ITK: variants seen among roughly 807,000 people sequenced by gnomAD.
ITK encodes the protein tyrosine-protein kinase ITK/TSK.
ITK carries 45 observed loss-of-function variants against 87.6 expected under a neutral mutation model. The ratio of observed to expected loss-of-function variants is 0.51; its 90% confidence interval spans 0.40 to 0.66. The LOEUF is 0.66. Ranked by LOEUF, ITK falls within the 30% of genes least tolerant of loss-of-function variation. The pLI is 0.00. For synonymous variants in ITK, 303 were observed against 273.6 expected (o/e 1.11, Z -1.06); for missense variants, 605 against 766.3 (o/e 0.79, Z 2.48).
At chr5:157,186,709 A>AGAGAGC (rs1491336599) in intron 1 of ITK, among the ~76,000 whole-genome samples, 1 of 149,762 alleles carries the variant, frequency 6.7e-6, no homozygotes, top group African/African-American at 2.5e-5. Context: ...AGAGAGAGAG[A>AGAGAGC]GCCTTGGCAA....
intron 1 of ITK, among the ~76,000 whole-genome samples, chr5:157,188,804 T>TAAGGTA (rs1349823159): frequency 8.5e-5 from 13 of 152,208 alleles, no homozygotes; most frequent in African/African-American, 2.9e-4. Context: ...TTCCCATCTC[T>TAAGGTA]TCAAAGCACA....
chr5:157,190,491 G>A (rs943886123), intron 1 of ITK, among the ~76,000 whole-genome samples: 2 of 152,184 alleles, frequency 1.3e-5, no homozygotes, highest in African/African-American at 4.8e-5. Context: ...TCTTAGGTTG[G>A]TGCACAAGTA....
At chr5:157,243,221 G>A (rs968710247) in intron 11 of ITK, among the ~76,000 whole-genome samples, 5 of 152,136 alleles carry the variant, frequency 3.3e-5, no homozygotes, top group African/African-American at 1.2e-4. Flanking sequence ...CTGCCCCTCT[G>A]CCCCAGTAAG....
At position 157,232,341 on chromosome 5, in the gene ITK, T is replaced by G. The variant is rs1456788791; in HGVS notation, c.715T>G (p.Trp239Gly). The G allele has an allele frequency of 6.2e-7, 1 of 1,607,650 alleles. No individual in the cohort carries two copies. Among genetic ancestry groups the G allele is most frequent in the East Asian group, 2.2e-5 (1 of 44,834 alleles). The change falls in exon 8 of 17, where the codon TGG becomes GGG. Residue 239 changes from tryptophan (W) to glycine (G), a missense_variant and splice_region_variant. Physicochemically the swap from Trp to Gly is radical, Grantham distance 184. This residue lies in a region of ITK where 464 missense variants were observed against 578.0 expected (regional missense o/e 0.80). Coordinates refer to ENST00000422843, the MANE Select transcript of ITK (RefSeq NM_005546.4). The part of the protein sequence containing the change: ...KSPNNLETYE[W>G]YNKSISRDKA... ...CATATGACTTTTCCTTGCTTTCAGG[T>G]GGTACAATAAGAGTATCAGCCGAGA...
chr5:157,225,934 T>C (rs1264801392), intron 6 of ITK, among the ~76,000 whole-genome samples: 1 of 152,234 alleles, frequency 6.6e-6, no homozygotes, highest in East Asian at 1.9e-4. Context: ...AAACCCTTCA[T>C]TTGGTGACCT....
At chr5:157,189,542 G>C (rs765379335) in intron 1 of ITK, among the ~76,000 whole-genome samples, 20 of 152,290 alleles carry the variant, frequency 1.3e-4, no homozygotes, top group Admixed American at 1.3e-3. Context: ...TTAGTCAGGC[G>C]TGGTGGCATA....
intron 15 of ITK, among the ~76,000 whole-genome samples, chr5:157,247,461 G>C (rs1250459255): frequency 1.3e-5 from 2 of 152,180 alleles, no homozygotes. Flanking sequence ...AAGCAAGCAA[G>C]GGCCCCACAA....
intron 4 of ITK, 38 bp from the exon 5 acceptor site, chr5:157,217,829 C>T: frequency 1.2e-6 from 2 of 1,604,420 alleles, no homozygotes; most frequent in Non-Finnish European, 1.7e-6. Flanking sequence ...CATTAGTTTT[C>T]ATGCTCATTT....
At chr5:157,247,089 G>A (rs530179769) in intron 15 of ITK, among the ~76,000 whole-genome samples, 6 of 152,238 alleles carry the variant, frequency 3.9e-5, no homozygotes, top group Admixed American at 2.0e-4. Context: ...TTTGCCATTC[G>A]GTATGAAGGA....
Position 157,252,626 on chromosome 5 carries a change from C to A in ITK, c.1811C>A (p.Ala604Asp), listed in dbSNP as rs1276005388. ...CTCCAGAGACCAGAAGATCGGCCAGCCTTCTCCAGACTGCTGCGTCAACTG... is the reference window on the plus strand; with the variant it reads ...CTCCAGAGACCAGAAGATCGGCCAGACTTCTCCAGACTGCTGCGTCAACTG... Reference protein sequence around the residue: ...CWKERPEDRPAFSRLLRQLAE... With the variant: ...CWKERPEDRPDFSRLLRQLAE... Residue 604 changes from alanine (A) to aspartate (D), a missense_variant, in exon 17 of 17, where the codon GCC (alanine) becomes GAC (aspartate). Around this residue, in one of 3 missense-constraint regions of ITK, gnomAD observed 71 missense variants for 65.8 expected, o/e 1.08. Transcript: ENST00000422843. 3.1e-6 allele frequency: 5 copies of A among 1,613,864 alleles called. No homozygotes were observed. The highest frequency in any genetic ancestry group is 4.2e-6 in the Non-Finnish European group (5 of 1,179,824).
chr5:157,254,301 A>G lies in ITK; in HGVS notation c.*1623A>G. 4.4e-6 allele frequency: 1 copy of G among 227,578 alleles called. No homozygotes were observed. The highest frequency in any genetic ancestry group is 8.7e-6 in the Non-Finnish European group (1 of 114,546). The allele number at this position is 227,578 out of a possible 1,614,324, so 14.1% of individuals were successfully genotyped here. A position where few individuals can be genotyped will look rare whatever the true frequency, so the allele number is the denominator to read the frequency against. On this transcript the variant is annotated 3_prime_UTR_variant, in exon 17 of 17. Coordinates refer to ENST00000422843, the MANE Select transcript of ITK (RefSeq NM_005546.4). Reference sequence around the variant, plus strand: ...CTGTATCCTTACCTTGGTCATGTTAATGACTTTGGAGTTATTCAGTTAATG... The same window carrying G: ...CTGTATCCTTACCTTGGTCATGTTAGTGACTTTGGAGTTATTCAGTTAATG...
At chr5:157,205,786 C>T (rs1483931848) in intron 1 of ITK, among the ~76,000 whole-genome samples, 2 of 152,050 alleles carry the variant, frequency 1.3e-5, no homozygotes, top group East Asian at 3.9e-4. Flanking sequence ...CCTTTAATAT[C>T]TAGTTTATTG....
At chr5:157,216,897 T>G (rs1483838851) in intron 4 of ITK, among the ~76,000 whole-genome samples, 1 of 152,160 alleles carries the variant, frequency 6.6e-6, no homozygotes, top group Non-Finnish European at 1.5e-5. Flanking sequence ...TGGGCTCCAG[T>G]GTCAATGTGT....
chr5:157,189,541 C>T (rs1318162575), intron 1 of ITK, among the ~76,000 whole-genome samples: 1 of 152,148 alleles, frequency 6.6e-6, no homozygotes, highest in South Asian at 2.1e-4. Flanking sequence ...ATTAGTCAGG[C>T]GTGGTGGCAT....
At chr5:157,221,455 A>G (rs1374217937) in intron 5 of ITK, among the ~76,000 whole-genome samples, 1 of 152,166 alleles carries the variant, frequency 6.6e-6, no homozygotes, top group Non-Finnish European at 1.5e-5. Flanking sequence ...TTCTCACCAC[A>G]TGAATGTTTA....
chr5:157,210,140 A>G (rs1231312644), intron 2 of ITK, among the ~76,000 whole-genome samples: 13 of 152,188 alleles, frequency 8.5e-5, no homozygotes, highest in Non-Finnish European at 7.4e-5. Flanking sequence ...TGGTCAGACT[A>G]GTCTCAAACT....
chr5:157,203,795 C>T (rs1180281134), intron 1 of ITK, among the ~76,000 whole-genome samples: 1 of 152,200 alleles, frequency 6.6e-6, no homozygotes, highest in Non-Finnish European at 1.5e-5. Context: ...GGAAGACAAA[C>T]CTCCTAATTT....
chr5:157,239,202 G>A (rs1233709866), intron 9 of ITK, among the ~76,000 whole-genome samples: 1 of 152,160 alleles, frequency 6.6e-6, no homozygotes, highest in Non-Finnish European at 1.5e-5. Flanking sequence ...GGCCTTCCAG[G>A]ACAAAGACTT....
At chr5:157,220,789 A>G (rs1754398519) in intron 5 of ITK, among the ~76,000 whole-genome samples, 1 of 152,214 alleles carries the variant, frequency 6.6e-6, no homozygotes, top group Non-Finnish European at 1.5e-5. Flanking sequence ...TCCTTTTGTT[A>G]TCCTGAAAAG....
Sources: gnomAD v4.1 joint callset for allele counts (sites outside exome capture counted in the v4.1 genomes callset) on GRCh38, gnomAD v4.1.1 for gene constraint, gnomAD v4.1.1 regional missense constraint, MANE v1.5 for transcripts, NCBI Gene and HGNC (gene_info 2026-07-23, HGNC 2026-07-21) for gene names.